The following WARS2 variants were observed in gnomAD, a reference collection of about 807,000 sequenced individuals.
WARS2 encodes the protein tryptophan--tRNA ligase, mitochondrial.
A neutral mutation model predicts 36.5 loss-of-function variants in WARS2; 28 were observed. The observed-to-expected ratio is 0.77, with a 90% CI of 0.57 to 1.05. The LOEUF (loss-of-function observed/expected upper bound fraction) is 1.05. Among genes scored for constraint, WARS2 ranks in the 50% least tolerant of loss-of-function variants. WARS2 has a pLI of 0.00. For missense variants in WARS2, 435 were observed against 456.8 expected (o/e 0.95, Z 0.44); for synonymous variants, 174 against 178.4 (o/e 0.98, Z 0.20).
chr1:119,075,574 T>C (rs1309112943), intron 2 of WARS2, among the ~76,000 whole-genome samples: 1 of 152,230 alleles, frequency 6.6e-6, no homozygotes, highest in Admixed American at 6.5e-5. Context: ...GAAGGTTGCA[T>C]ATATACATGC....
At chr1:119,062,596 G>A (rs534030069) in intron 2 of WARS2, among the ~76,000 whole-genome samples, 12 of 152,136 alleles carry the variant, frequency 7.9e-5, no homozygotes, top group Non-Finnish European at 1.5e-4. Context: ...ATTGTATCTC[G>A]CAGAATTTCC....
chr1:119,136,023 C>T lies in WARS2; in HGVS notation c.90+4532G>A, dbSNP rs1656481880. Among the ~76,000 whole-genome samples the T allele has an allele frequency of 2.6e-5, 4 of 152,122 alleles. No homozygotes were observed. In the South Asian group the frequency reaches 6.2e-4, roughly 24 times the overall value. ...CTAAGCTCAAGAAATACACCTGCTTCGGCCTCCCAAAGTGCTGGGATTACA... is the reference window on the plus strand; with the variant it reads ...CTAAGCTCAAGAAATACACCTGCTTTGGCCTCCCAAAGTGCTGGGATTACA... On this transcript the variant is annotated intron_variant, in intron 1 of 5. Coordinates refer to ENST00000235521, the MANE Select transcript of WARS2 (RefSeq NM_015836.4).
At chr1:119,056,264 T>C (rs2101181016) in intron 2 of WARS2, among the ~76,000 whole-genome samples, 1 of 147,552 alleles carries the variant, frequency 6.8e-6, no homozygotes, top group Middle Eastern at 3.6e-3. Context: ...CTCAAACTCC[T>C]GAGCTCAAGC....
At chr1:119,096,000 A>G (rs911383250) in intron 1 of WARS2, among the ~76,000 whole-genome samples, 2 of 152,100 alleles carry the variant, frequency 1.3e-5, no homozygotes, top group Non-Finnish European at 1.5e-5. Context: ...TGGCACCATC[A>G]TGGTTCTAAT....
intron 2 of WARS2, among the ~76,000 whole-genome samples, chr1:119,065,318 A>C (rs930587311): frequency 7.9e-5 from 12 of 152,194 alleles, no homozygotes; most frequent in Non-Finnish European, 1.8e-4. Flanking sequence ...CCACTCAAGA[A>C]GTTAGTAAAA....
chr1:119,095,486 A>G (rs1653373009), intron 1 of WARS2, among the ~76,000 whole-genome samples: 1 of 151,996 alleles, frequency 6.6e-6, no homozygotes, highest in Non-Finnish European at 1.5e-5. Flanking sequence ...TGCAGTGGCG[A>G]TCTCGGCTCA....
At chr1:119,061,021 T>TCCAG (rs1650333918) in intron 2 of WARS2, among the ~76,000 whole-genome samples, 1 of 152,128 alleles carries the variant, frequency 6.6e-6, no homozygotes, top group Non-Finnish European at 1.5e-5. Flanking sequence ...CAATTATTGC[T>TCCAG]TACTACTGGA....
At chr1:119,136,978 A>G (rs1047802476) in intron 1 of WARS2, among the ~76,000 whole-genome samples, 2 of 152,114 alleles carry the variant, frequency 1.3e-5, no homozygotes, top group African/African-American at 2.4e-5. Flanking sequence ...GACATTCTAC[A>G]AAATAACTGA....
intron 1 of WARS2, among the ~76,000 whole-genome samples, chr1:119,128,128 G>A (rs1194221596): frequency 6.6e-6 from 1 of 152,072 alleles, no homozygotes; most frequent in Non-Finnish European, 1.5e-5. Flanking sequence ...AGGCTGGAGT[G>A]CAGTGGTGCA....
At chr1:119,049,807 T>G (rs1417525267) in intron 2 of WARS2, among the ~76,000 whole-genome samples, 1 of 152,154 alleles carries the variant, frequency 6.6e-6, no homozygotes, top group Non-Finnish European at 1.5e-5. Context: ...CAAAATATAT[T>G]CAAAGTCTCA....
intron 1 of WARS2, among the ~76,000 whole-genome samples, chr1:119,084,172 C>T (rs1652437503): frequency 1.5e-5 from 1 of 64,764 alleles, no homozygotes; most frequent in South Asian, 7.1e-4. Context: ...CACACAACTA[C>T]GTCGGCTAAT....
intron 1 of WARS2, among the ~76,000 whole-genome samples, chr1:119,121,538 A>G (rs1655325677): frequency 6.6e-6 from 1 of 152,234 alleles, no homozygotes; most frequent in Admixed American, 6.5e-5. Flanking sequence ...ACTAGAAAAA[A>G]CAATCCTAAA....
intron 1 of WARS2, among the ~76,000 whole-genome samples, chr1:119,129,127 G>A (rs1655904998): frequency 6.6e-6 from 1 of 152,148 alleles, no homozygotes; most frequent in Non-Finnish European, 1.5e-5. Flanking sequence ...GAGAATGTTT[G>A]TGTCCTCCCA....
chr1:119,102,372 C>T (rs1653938288), intron 1 of WARS2, among the ~76,000 whole-genome samples: 1 of 152,194 alleles, frequency 6.6e-6, no homozygotes, highest in Non-Finnish European at 1.5e-5. Flanking sequence ...TTACTGAATT[C>T]AGTACATTGT....
rs3790548 is a variant in WARS2, at chr1:119,032,674, C to T, written c.*237G>A. On this transcript the variant is annotated 3_prime_UTR_variant, in exon 6 of 6. Transcript: ENST00000235521. Reference sequence around the variant, plus strand: ...GTGCCTCAATAATTGGGGATTCAGACAGCTATGCCTTCTTGATTTATTTTT... The same window carrying T: ...GTGCCTCAATAATTGGGGATTCAGATAGCTATGCCTTCTTGATTTATTTTT... 3.7e-5 allele frequency: 19 copies of T among 517,988 alleles called. No homozygotes were observed. Among genetic ancestry groups the T allele is most frequent in the Non-Finnish European group, 5.8e-5 (17 of 295,452 alleles). The allele number at this position is 517,988 out of a possible 1,614,324, so 32.1% of individuals were successfully genotyped here.
intron 1 of WARS2, among the ~76,000 whole-genome samples, chr1:119,122,456 A>C (rs1292778898): frequency 6.6e-6 from 1 of 152,226 alleles, no homozygotes; most frequent in Non-Finnish European, 1.5e-5. Context: ...AATGTAAACT[A>C]GTACAACCAC....
At chr1:119,041,281 T>C (rs1185327201) in intron 4 of WARS2, among the ~76,000 whole-genome samples, 1 of 152,172 alleles carries the variant, frequency 6.6e-6, no homozygotes, top group Non-Finnish European at 1.5e-5. Flanking sequence ...CCTAAGCACA[T>C]GCCAATTGGG....
chr1:119,057,306 C>T (rs768779267), intron 2 of WARS2, among the ~76,000 whole-genome samples: 19 of 151,714 alleles, frequency 1.3e-4, no homozygotes, highest in East Asian at 2.0e-4. Context: ...CCACCAAGCC[C>T]GGCTAAATTT....
At chr1:119,097,633 T>A (rs1249204373) in intron 1 of WARS2, among the ~76,000 whole-genome samples, 1 of 152,226 alleles carries the variant, frequency 6.6e-6, no homozygotes, top group Non-Finnish European at 1.5e-5. Context: ...CAATGCTTTG[T>A]CCTCCCTCTA....
Sources: allele counts gnomAD v4.1 joint callset (sites outside exome capture counted in the v4.1 genomes callset), GRCh38; gene constraint gnomAD v4.1.1; transcripts MANE v1.5; gene names NCBI Gene and HGNC (gene_info 2026-07-23, HGNC 2026-07-21).